TNFSF14: variants seen among roughly 807,000 people sequenced by gnomAD.
TNFSF14 encodes TNF superfamily member 14.
In TNFSF14, 15 loss-of-function variants were observed where a neutral mutation model predicts 22.7. The ratio of observed to expected loss-of-function variants is 0.66; its 90% CI spans 0.44 to 1.02. The LOEUF is 1.02. Ranked by LOEUF, TNFSF14 falls within the 50% of genes least tolerant of loss-of-function variation. The pLI is 0.00. For missense variants in TNFSF14, 287 were observed against 326.2 expected (o/e 0.88, Z 0.93); for synonymous variants, 133 against 139.6 (o/e 0.95, Z 0.33).
rs1193436013 is a variant in TNFSF14, at chr19:6,661,788, A to G, written c.*3138T>C. 1 of 152,240 alleles carries G rather than the reference A, an allele frequency of 6.6e-6. No individual in the cohort carries two copies. Among genetic ancestry groups the G allele is most frequent in the African/African-American group, 2.4e-5 (1 of 41,446 alleles). 9.4% of individuals were successfully genotyped at this position (152,240 alleles called of 1,614,324 possible). A position where few individuals can be genotyped will look rare whatever the true frequency, so the allele number is the denominator to read the frequency against. ...CACCATCCTTCCTGACTCTGAATTT[A>G]TATACTACTAACCAGCAATCATTTT... On this transcript the variant is annotated 3_prime_UTR_variant, in exon 4 of 4. Coordinates refer to ENST00000675206, the MANE Select transcript of TNFSF14 (RefSeq NM_001376887.1).
chr19:6,666,538 T>A (rs991414856), intron 3 of TNFSF14, among the ~76,000 whole-genome samples: 3 of 152,156 alleles, frequency 2.0e-5, no homozygotes, highest in Non-Finnish European at 4.4e-5. Flanking sequence ...TGTAATGAAT[T>A]AATATGTAGA....
intron 2 of TNFSF14, 76 bp downstream of exon 2, chr19:6,667,337 T>G: frequency 6.7e-7 from 1 of 1,486,514 alleles, no homozygotes; most frequent in Admixed American, 2.6e-5. Context: ...CAAATCATAT[T>G]GGGCAATTGA....
Position 6,665,290 on chromosome 19 carries a change from A to C in TNFSF14, c.359T>G (p.Leu120Arg). 6.2e-7 allele frequency: 1 copy of C among 1,612,374 alleles called. No individual in the cohort carries two copies. The highest frequency in any genetic ancestry group is 8.5e-7 in the Non-Finnish European group (1 of 1,179,508). The change falls in exon 4 of 4, where the codon CTG becomes CGG. Residue 120 changes from leucine to arginine, a missense_variant. Physicochemically the swap from Leu to Arg is moderately radical, Grantham distance 102 (BLOSUM62 -2). Coordinates refer to ENST00000675206, the MANE Select transcript of TNFSF14 (RefSeq NM_001376887.1). ...GTAGCTGAGGCCCCTCAGGAAGGCC[A>C]GGCCCAGCTGAGTCTCCCATAACAG... ...GPLLWETQLG[L>R]AFLRGLSYHD...
At position 6,663,420 on chromosome 19, in the gene TNFSF14, C is replaced by T. The variant is rs1048934244; in HGVS notation, c.*1506G>A. ...TGTGTGTGTAATGTGTGTTTGTCAT[C>T]GTGATGTTGTGTGTGTAATGTGTGT... On this transcript the variant is annotated 3_prime_UTR_variant, in exon 4 of 4. Transcript: ENST00000675206. 3 of 147,360 alleles carry T rather than the reference C, an allele frequency of 2.0e-5. No individual in the cohort carries two copies. Among genetic ancestry groups the T allele is most frequent in the African/African-American group, 5.1e-5 (2 of 39,438 alleles). 9.1% of individuals were successfully genotyped at this position (147,360 alleles called of 1,614,324 possible).
At chr19:6,667,327 CA>C in intron 2 of TNFSF14, 85 bp downstream of exon 2, 16 of 1,478,662 alleles carry the variant, frequency 1.1e-5, no homozygotes, top group Non-Finnish European at 1.3e-5. Flanking sequence ...GCCAGTTGTG[CA>C]AATCATATTG....
chr19:6,661,498 G>T lies in TNFSF14; in HGVS notation c.*3428C>A, dbSNP rs995615821. The T allele has an allele frequency of 6.6e-6, 1 of 152,148 alleles. No individual in the cohort carries two copies. Among genetic ancestry groups the T allele is most frequent in the Non-Finnish European group, 1.5e-5 (1 of 68,026 alleles). The allele number at this position is 152,148 out of a possible 1,614,324, so 9.4% of individuals were successfully genotyped here. ...AAATCTATCACAAGGTGATAGACGCGGGGGCTTTGGGTGCTATCAACCGGA... is the reference window on the plus strand; with the variant it reads ...AAATCTATCACAAGGTGATAGACGCTGGGGCTTTGGGTGCTATCAACCGGA... On this transcript the variant is annotated 3_prime_UTR_variant, in exon 4 of 4. Transcript: ENST00000675206.
intron 1 of TNFSF14, among the ~76,000 whole-genome samples, chr19:6,669,370 C>A (rs1917527209): frequency 6.6e-6 from 1 of 152,144 alleles, no homozygotes; most frequent in South Asian, 2.1e-4. Context: ...GTAATCCCAG[C>A]TACTCGGGAG....
intron 3 of TNFSF14, among the ~76,000 whole-genome samples, chr19:6,666,072 A>G (rs1917416164): frequency 1.3e-5 from 2 of 152,068 alleles, no homozygotes; most frequent in South Asian, 4.1e-4. Context: ...AAACTGAGGC[A>G]TGGAACCGTT....
rs202183406 is a variant in TNFSF14, at chr19:6,661,297, G to A, written c.*3629C>T. On this transcript the variant is annotated 3_prime_UTR_variant, in exon 4 of 4. Coordinates refer to ENST00000675206, the MANE Select transcript of TNFSF14 (RefSeq NM_001376887.1). Reference sequence around the variant, plus strand: ...CTTTATTAGCCGGCGACTGAGAGACGGCTAGCGCTCAAAATTCTCTCCACC... The same window carrying A: ...CTTTATTAGCCGGCGACTGAGAGACAGCTAGCGCTCAAAATTCTCTCCACC... 1.3e-5 allele frequency: 2 copies of A among 152,464 alleles called. No individual in the cohort carries two copies. Among genetic ancestry groups the A allele is most frequent in the East Asian group, 1.9e-4 (1 of 5,204 alleles). 9.4% of individuals were successfully genotyped at this position (152,464 alleles called of 1,614,324 possible).
At position 6,663,599 on chromosome 19, in the gene TNFSF14, T is replaced by C. The variant is rs1011566738; in HGVS notation, c.*1327A>G. On this transcript the variant is annotated 3_prime_UTR_variant, in exon 4 of 4. Coordinates refer to ENST00000675206, the MANE Select transcript of TNFSF14 (RefSeq NM_001376887.1). ...AGTGTGACGGTGACACCTCTGGGAG[T>C]GGCTGTGTAGCTGGGATGCTGTCTG... The C allele has an allele frequency of 2.0e-5, 3 of 152,578 alleles. 1 individual carries two copies. 9.5% of individuals were successfully genotyped at this position (152,578 alleles called of 1,614,324 possible).
rs778433805 is a variant in TNFSF14, at chr19:6,665,274, G to T, written c.375C>A (p.Gly125=). The T allele has an allele frequency of 1.9e-6, 3 of 1,613,582 alleles. No individual in the cohort carries two copies. The highest frequency in any genetic ancestry group is 1.1e-5 in the South Asian group (1 of 91,068). ...CAAGGGCCCCATCGTGGTAGCTGAG[G>T]CCCCTCAGGAAGGCCAGGCCCAGCT... ...ETQLGLAFLR[G]LSYHDGALVV... Residue 125 remains glycine, a synonymous_variant, in exon 4 of 4, where the codon GGC becomes GGA. Transcript: ENST00000675206.
rs745662034 is a variant in TNFSF14, at chr19:6,669,947, A to G, written c.123T>C (p.Gly41=). Residue 41 remains glycine, a synonymous_variant, in exon 1 of 4, where the codon GGT becomes GGC. Transcript: ENST00000675206. ...QSCSVARVGL[G]LLLLLMGAGL... is the part of the protein sequence containing the mutation. ...CGGCCCCCATCAGCAACAGCAAGAGACCCAGACCCACCCGGGCCACACTGC... is the reference window on the plus strand; with the variant it reads ...CGGCCCCCATCAGCAACAGCAAGAGGCCCAGACCCACCCGGGCCACACTGC... The G allele has an allele frequency of 7.4e-6, 12 of 1,613,308 alleles. No homozygotes were observed. Among genetic ancestry groups the G allele is most frequent in the Non-Finnish European group, 9.3e-6 (11 of 1,179,820 alleles).
rs537379332 is a variant in TNFSF14 at position 6,668,140 on chromosome 19, C to T, written c.220-691G>A. On this transcript the variant is annotated intron_variant, in intron 1 of 3. Transcript: ENST00000675206. ...ACTTTGGGAGGCCAAAGTGGGAGGA[C>T]AGCTTGAGGCCAGGAGTTTAAGACC... is the stretch of plus-strand genomic sequence containing the variant. 2.7e-5 allele frequency among the ~76,000 whole-genome samples: 4 copies of T among 147,386 alleles called. 1 individual carries two copies. The highest frequency in any genetic ancestry group is 1.0e-4 in the African/African-American group (4 of 39,866).
chr19:6,666,582 C>T (rs1286386905), intron 3 of TNFSF14, among the ~76,000 whole-genome samples: 5 of 152,088 alleles, frequency 3.3e-5, no homozygotes, highest in Non-Finnish European at 5.9e-5. Context: ...AGCATAAGCA[C>T]TATATGAGAG....
At chr19:6,667,248 C>T (rs1434000989) in intron 2 of TNFSF14, 94 bp from the exon 3 acceptor site, 2 of 1,447,406 alleles carry the variant, frequency 1.4e-6, no homozygotes, top group Non-Finnish European at 1.8e-6. Context: ...TGGAATCAAC[C>T]CCACCCCTTC....
chr19:6,670,174 C>T (rs899390655), upstream of TNFSF14: 9 of 1,503,292 alleles, frequency 6.0e-6, no homozygotes, highest in East Asian at 2.4e-5. Flanking sequence ...GACAGGCACC[C>T]GTGGGCCGCC....
chr19:6,670,248 C>T (rs532713505), upstream of TNFSF14: 125 of 1,433,878 alleles, frequency 8.7e-5, 3 homozygotes, highest in South Asian at 5.9e-4. Context: ...CGGTACCCGC[C>T]GCCCCCGGTC....
chr19:6,666,529 G>A (rs1312236284), intron 3 of TNFSF14, among the ~76,000 whole-genome samples: 1 of 152,160 alleles, frequency 6.6e-6, no homozygotes, highest in East Asian at 1.9e-4. Context: ...TGCTTGGAAT[G>A]TAATGAATTA....
rs1453970147 is a variant in TNFSF14, at chr19:6,665,268, G to C, written c.381C>G (p.Ser127Arg). The C allele has an allele frequency of 1.2e-6, 2 of 1,613,792 alleles. No homozygotes were observed. The highest frequency in any genetic ancestry group is 2.2e-5 in the South Asian group (2 of 91,076). Residue 127 changes from serine (S) to arginine (R), a missense_variant, in exon 4 of 4, where the codon AGC becomes AGG. Coordinates refer to ENST00000675206, the MANE Select transcript of TNFSF14 (RefSeq NM_001376887.1). ...QLGLAFLRGL[S>R]YHDGALVVTK... ...TGACCACAAGGGCCCCATCGTGGTA[G>C]CTGAGGCCCCTCAGGAAGGCCAGGC... is the stretch of plus-strand genomic sequence containing the variant.
Sources: gnomAD v4.1 joint callset for allele counts (sites outside exome capture counted in the v4.1 genomes callset) on GRCh38, gnomAD v4.1.1 for gene constraint, MANE v1.5 for transcripts, NCBI Gene and HGNC (gene_info 2026-07-23, HGNC 2026-07-21) for gene names.